CGN: variants seen among roughly 807,000 people sequenced by gnomAD.
CGN encodes cingulin.
Under a neutral mutation model 157.1 loss-of-function variants are expected in CGN, and 121 were observed. The observed-to-expected ratio is 0.77, with a 90% CI of 0.66 to 0.90. CGN has a LOEUF of 0.90. CGN is among the 40% of genes least tolerant of loss of function. The probability of loss-of-function intolerance (pLI) is 0.00; values close to 1 mark genes in which losing one functional copy is unlikely to be tolerated. For synonymous variants in CGN, 535 were observed against 607.5 expected, an observed-to-expected ratio of 0.88 and a Z score of 1.76; for missense variants, 1,424 against 1,520.9, an observed-to-expected ratio of 0.94 and a Z score of 1.06.
chr1:151,524,580 G>C lies in CGN; in HGVS notation c.1402-94G>C, dbSNP rs536991275. ...CTGGTACTAGAGCACCTGGTACTGT[G>C]CCTAATACGATAAATATTTTTTGAC... is the stretch of plus-strand genomic sequence containing the variant. On this transcript the variant is annotated intron_variant, in intron 7 of 20. Transcript: ENST00000271636. This position sits in a 1 kb window ranked among gnomAD's most constrained non-coding sequence, Gnocchi z 4.4. The C allele has an allele frequency of 3.2e-4, 398 of 1,238,416 alleles. 1 individual carries two copies. In the African/African-American group the frequency reaches 5.2e-3, roughly 16 times the overall value. 76.7% of individuals were successfully genotyped at this position (1,238,416 alleles called of 1,614,324 possible).
At chr1:151,512,316 A>G (rs1162243493) in intron 1 of CGN, among the ~76,000 whole-genome samples, 1 of 152,114 alleles carries the variant, frequency 6.6e-6, no homozygotes, top group East Asian at 1.9e-4. Flanking sequence ...GGCGGATGTC[A>G]AACCCTTTCT....
rs1263904526 is a variant in CGN at position 151,525,706 on chromosome 1, A to C, written c.1679A>C (p.Glu560Ala). ...GCCCTTGTGCGAGGGCTGCAGAGGG[A>C]GCTGGAGGAGACTTCAGAGGAGACA... ...MSALVRGLQRELEETSEETGH... is the reference protein window; with the variant it reads ...MSALVRGLQRALEETSEETGH... The change falls in exon 9 of 21, where the codon GAG becomes GCG. Residue 560 changes from glutamate to alanine, a missense_variant. Glu to Ala is a moderately radical substitution (Grantham distance 107). This residue lies in a region of CGN where 1,187 missense variants were observed against 1,217.6 expected (regional missense o/e 0.97). Transcript: ENST00000271636. The C allele has an allele frequency of 1.2e-6, 2 of 1,612,396 alleles. No homozygotes were observed. Among genetic ancestry groups the C allele is most frequent in the South Asian group, 2.2e-5 (2 of 91,000 alleles).
At position 151,538,676 on chromosome 1, in the gene CGN, AC is replaced by A. The variant is rs1270241518; in HGVS notation, c.*1331del. On this transcript the variant is annotated 3_prime_UTR_variant, in exon 21 of 21. Coordinates refer to ENST00000271636, the MANE Select transcript of CGN (RefSeq NM_020770.3). ...TTATTTTAAATTAAATATTAAAATT[AC>A]ACATTTATATTGAAATCCTTGGTTT... The A allele has an allele frequency of 2.6e-5, 4 of 152,242 alleles. No individual in the cohort carries two copies. Among genetic ancestry groups the A allele is most frequent in the African/African-American group, 9.6e-5 (4 of 41,462 alleles). 9.4% of individuals were successfully genotyped at this position (152,242 alleles called of 1,614,324 possible). A position where few individuals can be genotyped will look rare whatever the true frequency, so the allele number is the denominator to read the frequency against.
rs989883467 is a variant in CGN, at chr1:151,525,771, C to T, written c.1744C>T (p.Leu582Phe). The change falls in exon 9 of 21, where the codon CTT (leucine) becomes TTT (phenylalanine). Residue 582 changes from leucine to phenylalanine, a missense_variant. By Grantham distance (22) the Leu-to-Phe change is conservative. Coordinates refer to ENST00000271636, the MANE Select transcript of CGN (RefSeq NM_020770.3). ...QSMFQKNKEDLRATKQELLQL... is the reference protein window; with the variant it reads ...QSMFQKNKEDFRATKQELLQL... ...TATGTTCCAGAAGAACAAGGAGGATCTTAGAGCCACCAAGCAGGAGTAAGG... is the reference window on the plus strand; with the variant it reads ...TATGTTCCAGAAGAACAAGGAGGATTTTAGAGCCACCAAGCAGGAGTAAGG... 3 of 1,603,826 alleles carry T rather than the reference C, an allele frequency of 1.9e-6. No homozygotes were observed. In the African/African-American group the frequency reaches 4.1e-5, roughly 22 times the overall value.
In CGN at chr1:151,524,608, A is replaced by G; in HGVS notation, c.1402-66A>G. The G allele has an allele frequency of 7.1e-7, 1 of 1,399,098 alleles. No homozygotes were observed. 86.7% of individuals were successfully genotyped at this position (1,399,098 alleles called of 1,614,324 possible). A position where few individuals can be genotyped will look rare whatever the true frequency, so the allele number is the denominator to read the frequency against. Reference sequence around the variant, plus strand: ...TAATACGATAAATATTTTTTGACTCAGTGAATTGATAAACAGATGGATTCT... The same window carrying G: ...TAATACGATAAATATTTTTTGACTCGGTGAATTGATAAACAGATGGATTCT... On this transcript the variant is annotated intron_variant, in intron 7 of 20. Coordinates refer to ENST00000271636, the MANE Select transcript of CGN (RefSeq NM_020770.3). This position sits in a 1 kb window ranked among gnomAD's most constrained non-coding sequence, Gnocchi z 4.4.
At chr1:151,523,093 C>T (rs1489446306) in intron 5 of CGN, among the ~76,000 whole-genome samples, 2 of 152,094 alleles carry the variant, frequency 1.3e-5, no homozygotes, top group African/African-American at 4.8e-5. Context: ...AAGAGAAAAG[C>T]TGCAATGCCT....
chr1:151,512,392 A>G (rs962189966), intron 1 of CGN, among the ~76,000 whole-genome samples: 14 of 152,190 alleles, frequency 9.2e-5, no homozygotes, highest in Admixed American at 7.9e-4. Flanking sequence ...TGGGAGCCCA[A>G]CCAATTTCCT....
intron 8 of CGN, 101 bp from the exon 9 acceptor site, chr1:151,525,541 T>A: frequency 1.1e-6 from 1 of 924,352 alleles, no homozygotes; most frequent in Admixed American, 3.4e-5. Flanking sequence ...CCTGGCATGG[T>A]GCCCTCTGGG....
At position 151,519,262 on chromosome 1, in the gene CGN, C is replaced by T. The variant is rs1156906108; in HGVS notation, c.743C>T (p.Ser248Leu). Residue 248 changes from serine to leucine, a missense_variant, in exon 2 of 21, where the codon TCG becomes TTG. Around this residue, in one of 3 missense-constraint regions of CGN, gnomAD observed 1,187 missense variants for 1,217.6 expected, o/e 0.97. Transcript: ENST00000271636. ...AAATATGACAACCATGTGGGCACTT[C>T]GAAGCAGCCAGCCCAGAGCCAGAAC... ...STKYDNHVGT[S>L]KQPAQSQNLS... 25 of 1,613,984 alleles carry T rather than the reference C, an allele frequency of 1.5e-5. No individual in the cohort carries two copies. Among genetic ancestry groups the T allele is most frequent in the Middle Eastern group, 1.6e-4 (1 of 6,084 alleles).
chr1:151,511,815 C>T lies in CGN; in HGVS notation c.-15+300C>T, dbSNP rs1262905659. Reference sequence around the variant, plus strand: ...GATGTCTCTGGAGGTCAGACGCCAGCCCTAGGGGCAGAATTTCTCTTGGAG... The same window carrying T: ...GATGTCTCTGGAGGTCAGACGCCAGTCCTAGGGGCAGAATTTCTCTTGGAG... On this transcript the variant is annotated intron_variant, in intron 1 of 20. Transcript: ENST00000271636. The surrounding 1 kb of genome is among the most constrained non-coding windows in gnomAD (Gnocchi z 4.8). Among the ~76,000 whole-genome samples, 1 of 152,176 alleles carries T rather than the reference C, an allele frequency of 6.6e-6. No individual in the cohort carries two copies. The highest frequency in any genetic ancestry group is 2.4e-5 in the African/African-American group (1 of 41,448).
rs528567242 is a variant in CGN at position 151,517,460 on chromosome 1, G to A, written c.-14-1046G>A. Among the ~76,000 whole-genome samples the A allele has an allele frequency of 1.3e-4, 20 of 151,548 alleles. No individual in the cohort carries two copies. In the East Asian group the frequency reaches 3.5e-3, roughly 26 times the overall value. ...GATGGAGGTATCTGCTCAGCAGGGTGTGGGTTCTGCCTTCCCTTGGTGGGA... is the reference window on the plus strand; with the variant it reads ...GATGGAGGTATCTGCTCAGCAGGGTATGGGTTCTGCCTTCCCTTGGTGGGA... On this transcript the variant is annotated intron_variant, in intron 1 of 20. Transcript: ENST00000271636.
intron 10 of CGN, 104 bp downstream of exon 10, chr1:151,527,211 G>T (rs899951491): frequency 7.6e-7 from 1 of 1,307,438 alleles, no homozygotes; most frequent in South Asian, 1.3e-5. Context: ...CTGTGTGCTT[G>T]GTTTCCAGGC....
At chr1:151,527,208 C>T in intron 10 of CGN, 101 bp downstream of exon 10, 4 of 1,374,976 alleles carry the variant, frequency 2.9e-6, no homozygotes, top group Non-Finnish European at 4.1e-6. Context: ...CTCCTGTGTG[C>T]TTGGTTTCCA....
intron 8 of CGN, 165 bp from the exon 9 acceptor site, chr1:151,525,477 G>T: frequency 2.2e-6 from 1 of 459,232 alleles, no homozygotes; most frequent in African/African-American, 2.1e-5. Context: ...GTGACTTGAG[G>T]AGAGAATCTC....
At position 151,527,073 on chromosome 1, in the gene CGN, C is replaced by T. The variant is rs1369004701; in HGVS notation, c.1862C>T (p.Ala621Val). 6.2e-7 allele frequency: 1 copy of T among 1,614,178 alleles called. No homozygotes were observed. The highest frequency in any genetic ancestry group is 8.5e-7 in the Non-Finnish European group (1 of 1,180,042). The change falls in exon 10 of 21, where the codon GCT becomes GTT. Residue 621 changes from alanine (A) to valine (V), a missense_variant. Coordinates refer to ENST00000271636, the MANE Select transcript of CGN (RefSeq NM_020770.3). ...QRELEQARAS[A>V]GDTRQVEVLK... ...GAATTAGAGCAGGCCCGAGCTAGTG[C>T]TGGAGATACTCGCCAGGTTGAGGTG...
In CGN at chr1:151,537,352, G is replaced by A; in HGVS notation, c.*6G>A. 1 of 1,611,738 alleles carries A rather than the reference G, an allele frequency of 6.2e-7. No homozygotes were observed. The highest frequency in any genetic ancestry group is 8.5e-7 in the Non-Finnish European group (1 of 1,178,786). Reference sequence around the variant, plus strand: ...TACAGACCAGCTCCTGTTAGCTCGTGGTCCTCAAGGACTCAGAAACCAGGC... The same window carrying A: ...TACAGACCAGCTCCTGTTAGCTCGTAGTCCTCAAGGACTCAGAAACCAGGC... On this transcript the variant is annotated 3_prime_UTR_variant, in exon 21 of 21. Transcript: ENST00000271636.
Position 151,537,401 on chromosome 1 carries a change from T to A in CGN, c.*55T>A. On this transcript the variant is annotated 3_prime_UTR_variant, in exon 21 of 21. Transcript: ENST00000271636. Reference sequence around the variant, plus strand: ...GCTCGAGGCCTATCCCAGCAAGTGCTGCTCTGCTCTGCCCACCCTGGGTTC... The same window carrying A: ...GCTCGAGGCCTATCCCAGCAAGTGCAGCTCTGCTCTGCCCACCCTGGGTTC... The A allele has an allele frequency of 6.5e-7, 1 of 1,527,130 alleles. No homozygotes were observed. The highest frequency in any genetic ancestry group is 8.9e-7 in the Non-Finnish European group (1 of 1,118,218). The allele number at this position is 1,527,130 out of a possible 1,614,324, so 94.6% of individuals were successfully genotyped here. A position where few individuals can be genotyped will look rare whatever the true frequency, so the allele number is the denominator to read the frequency against.
At chr1:151,514,560 A>G (rs1312859227) in intron 1 of CGN, among the ~76,000 whole-genome samples, 1 of 151,982 alleles carries the variant, frequency 6.6e-6, no homozygotes, top group Non-Finnish European at 1.5e-5. Context: ...AGCCTTTAAC[A>G]AATATTTGTT....
rs559485863 is a variant in CGN, at chr1:151,524,885, A to C, written c.1613A>C (p.Gln538Pro). ...QLRRSMQDAT[Q>P]DHAVLEAERQ... Reference sequence around the variant, plus strand: ...CGCAGGAGCATGCAAGATGCAACCCAGGCATGTGACAAGAGCAGGGTCTGA... The same window carrying C: ...CGCAGGAGCATGCAAGATGCAACCCCGGCATGTGACAAGAGCAGGGTCTGA... The change falls in exon 8 of 21, where the codon CAG (glutamine) becomes CCG (proline). Residue 538 changes from glutamine to proline, a missense_variant and splice_region_variant. Transcript: ENST00000271636. This position sits in a 1 kb window ranked among gnomAD's most constrained non-coding sequence, Gnocchi z 4.4. The C allele has an allele frequency of 6.2e-7, 1 of 1,610,368 alleles. No individual in the cohort carries two copies. Among genetic ancestry groups the C allele is most frequent in the East Asian group, 2.2e-5 (1 of 44,860 alleles).
Sources: allele counts gnomAD v4.1 joint callset (sites outside exome capture counted in the v4.1 genomes callset), GRCh38; gene constraint gnomAD v4.1.1; regional missense constraint gnomAD v4.1.1; non-coding constraint Gnocchi (gnomAD v3.1); transcripts MANE v1.5; gene names NCBI Gene and HGNC (gene_info 2026-07-23, HGNC 2026-07-21).